Variants in MACROD2 observed in about 807,000 individuals in gnomAD.
MACROD2 encodes the protein ADP-ribose glycohydrolase MACROD2.
A neutral mutation model predicts 70.4 loss-of-function variants in MACROD2; 36 were observed. That is an observed-to-expected ratio of 0.51 (90% CI 0.39 to 0.68). The LOEUF (loss-of-function observed/expected upper bound fraction) is 0.68. Ranked by LOEUF, MACROD2 falls within the 30% of genes least tolerant of loss-of-function variation. MACROD2 has a pLI of 0.00. For synonymous variants in MACROD2, 172 were observed against 178.8 expected (o/e 0.96, Z 0.30); for missense variants, 496 against 538.4 (o/e 0.92, Z 0.78).
chr20:15,165,476 A>G (rs1299318135), intron 5 of MACROD2, among the ~76,000 whole-genome samples: 1 of 152,220 alleles, frequency 6.6e-6, no homozygotes, highest in East Asian at 1.9e-4. Flanking sequence ...ACTAGACACA[A>G]ATAAATTCGG....
rs146842863 is a variant in MACROD2 at position 16,049,874 on chromosome 20, T to C, written c.1345T>C (p.Ter449ArgextTer18). The change falls in exon 18 of 18, where the codon TGA becomes CGA. Residue 449 changes from the stop codon to arginine (R), a stop_lost. Coordinates refer to ENST00000684519, the MANE Select transcript of MACROD2 (RefSeq NM_001351661.2). ...EAKEQRNGTK* is the reference protein window; with the variant it reads ...EAKEQRNGTKR Reference sequence around the variant, plus strand: ...GAAGGAACAAAGAAATGGAACTAAATGACAATCCTCAGCATCGCAAGGCCT... The same window carrying C: ...GAAGGAACAAAGAAATGGAACTAAACGACAATCCTCAGCATCGCAAGGCCT... 1.3e-5 allele frequency: 21 copies of C among 1,581,782 alleles called. No individual in the cohort carries two copies. Among genetic ancestry groups the C allele is most frequent in the Non-Finnish European group, 1.7e-5 (20 of 1,164,278 alleles).
At chr20:15,417,323 G>T (rs1891103936) in intron 6 of MACROD2, among the ~76,000 whole-genome samples, 1 of 150,810 alleles carries the variant, frequency 6.6e-6, no homozygotes, top group South Asian at 2.1e-4. Context: ...AGATATGGGG[G>T]TTCACGCTTG....
At chr20:15,913,508 G>A (rs1423102420) in intron 10 of MACROD2, among the ~76,000 whole-genome samples, 1 of 152,138 alleles carries the variant, frequency 6.6e-6, no homozygotes, top group African/African-American at 2.4e-5. Context: ...AGAATCATAA[G>A]CCCTTATGAG....
chr20:16,044,620 A>G lies in MACROD2; in HGVS notation c.1281A>G (p.Gln427=). 1.2e-6 allele frequency: 2 copies of G among 1,612,998 alleles called. No individual in the cohort carries two copies. The highest frequency in any genetic ancestry group is 1.7e-6 in the Non-Finnish European group (2 of 1,179,324). Residue 427 remains glutamine (Q), a synonymous_variant, in exon 17 of 18, where the codon CAA becomes CAG. Transcript: ENST00000684519. ...AGGTAAATGACCCAACAGAGAGTCAACAAGAAGATCAACTAATAGGTAAGA... is the reference window on the plus strand; with the variant it reads ...AGGTAAATGACCCAACAGAGAGTCAGCAAGAAGATCAACTAATAGGTAAGA... ...VDKVNDPTES[Q]QEDQLIAGAQ...
At chr20:15,019,351 C>T (rs1257592641) in intron 5 of MACROD2, among the ~76,000 whole-genome samples, 1 of 152,098 alleles carries the variant, frequency 6.6e-6, no homozygotes, top group African/African-American at 2.4e-5. Flanking sequence ...AAATTTAAAA[C>T]CCCAAAATGC....
chr20:14,530,017 G>C (rs1476168539), intron 4 of MACROD2, among the ~76,000 whole-genome samples: 1 of 152,184 alleles, frequency 6.6e-6, no homozygotes, highest in Admixed American at 6.5e-5. Context: ...AGGATATAGG[G>C]AAGAGAATGG....
At chr20:14,605,061 A>G (rs1438145561) in intron 4 of MACROD2, among the ~76,000 whole-genome samples, 1 of 152,184 alleles carries the variant, frequency 6.6e-6, no homozygotes, top group African/African-American at 2.4e-5. Flanking sequence ...TAGCTATAAC[A>G]CTTTAATCTC....
chr20:14,572,922 A>T (rs1980304996), intron 4 of MACROD2, among the ~76,000 whole-genome samples: 1 of 151,218 alleles, frequency 6.6e-6, no homozygotes, highest in Non-Finnish European at 1.5e-5. Flanking sequence ...ATATAAAGAT[A>T]TGAATTGGAA....
intron 3 of MACROD2, among the ~76,000 whole-genome samples, chr20:14,319,330 C>T (rs778527057): frequency 2.6e-5 from 4 of 152,084 alleles, no homozygotes; most frequent in Admixed American, 1.3e-4. Context: ...TGGCTTAGGC[C>T]GCACCTCTTG....
chr20:15,243,798 T>C (rs1229705064), intron 6 of MACROD2, among the ~76,000 whole-genome samples: 7 of 142,426 alleles, frequency 4.9e-5, no homozygotes, highest in Admixed American at 2.1e-4. Flanking sequence ...TAGTGGCGGG[T>C]GCCTGTAGTC....
chr20:15,878,374 G>A (rs2064705555), intron 9 of MACROD2, among the ~76,000 whole-genome samples: 2 of 152,076 alleles, frequency 1.3e-5, no homozygotes, highest in Admixed American at 6.6e-5. Flanking sequence ...AAACTTCAGT[G>A]TGCATGAGTG....
At chr20:15,949,663 G>T (rs1367770292) in intron 12 of MACROD2, among the ~76,000 whole-genome samples, 1 of 152,176 alleles carries the variant, frequency 6.6e-6, no homozygotes, top group African/African-American at 2.4e-5. Flanking sequence ...GCCTTCCATA[G>T]ATTTTTCTGC....
At chr20:15,956,112 C>A (rs1242937104) in intron 12 of MACROD2, among the ~76,000 whole-genome samples, 2 of 152,144 alleles carry the variant, frequency 1.3e-5, no homozygotes, top group Non-Finnish European at 2.9e-5. Context: ...TACTCACTAG[C>A]CACATGTGGC....
At chr20:15,741,486 A>G (rs1000826511) in intron 8 of MACROD2, among the ~76,000 whole-genome samples, 6 of 152,040 alleles carry the variant, frequency 3.9e-5, no homozygotes, top group African/African-American at 1.2e-4. Context: ...TGTCAGCCAT[A>G]TTCCTGCTCT....
At chr20:15,707,304 T>A (rs147275806) in intron 8 of MACROD2, among the ~76,000 whole-genome samples, 3 of 152,314 alleles carry the variant, frequency 2.0e-5, no homozygotes, top group African/African-American at 7.2e-5. Flanking sequence ...GTAACTAAAG[T>A]CCTGATAACT....
At chr20:14,247,563 C>G (rs1396748248) in intron 3 of MACROD2, among the ~76,000 whole-genome samples, 1 of 152,104 alleles carries the variant, frequency 6.6e-6, no homozygotes, top group Non-Finnish European at 1.5e-5. Flanking sequence ...GGTTGGGTGT[C>G]CCTAATCTGA....
At chr20:14,894,009 C>T (rs2073796102) in intron 5 of MACROD2, 1 of 151,532 alleles carries the variant, frequency 6.6e-6, no homozygotes, top group African/African-American at 2.4e-5. Context: ...TGGTCTCAAA[C>T]TCCTCAGCTC....
At chr20:15,826,794 A>C (rs536019757) in intron 8 of MACROD2, among the ~76,000 whole-genome samples, 9 of 152,348 alleles carry the variant, frequency 5.9e-5, no homozygotes, top group Admixed American at 2.0e-4. Context: ...TTATCTTTGA[A>C]ATGATACGGC....
Position 14,085,638 on chromosome 20 carries a change from A to G in MACROD2, c.181A>G (p.Thr61Ala), listed in dbSNP as rs967556647. The change falls in exon 3 of 18, where the codon ACA (threonine) becomes GCA (alanine). Residue 61 changes from threonine (T) to alanine (A), a missense_variant. Physicochemically the swap from Thr to Ala is moderately conservative, Grantham distance 58. Coordinates refer to ENST00000684519, the MANE Select transcript of MACROD2 (RefSeq NM_001351661.2). ...GQNDEENTQETSQVKKSLTEK... is the reference protein window; with the variant it reads ...GQNDEENTQEASQVKKSLTEK... ...TATTACAGAAGAAAATACTCAGGAA[A>G]CATCCCAGGTGAAGAAAAGTTTGAC... The G allele has an allele frequency of 3.8e-6, 6 of 1,568,254 alleles. No homozygotes were observed. Among genetic ancestry groups the G allele is most frequent in the African/African-American group, 2.7e-5 (2 of 73,432 alleles).
Sources: gnomAD v4.1 joint callset for allele counts (sites outside exome capture counted in the v4.1 genomes callset) on GRCh38, gnomAD v4.1.1 for gene constraint, MANE v1.5 for transcripts, NCBI Gene and HGNC (gene_info 2026-07-23, HGNC 2026-07-21) for gene names.